Variants in PPP1CB observed in about 807,000 individuals in gnomAD.
PPP1CB encodes the protein serine/threonine-protein phosphatase PP1-beta catalytic subunit.
In PPP1CB, 2 loss-of-function variants were observed where a neutral mutation model predicts 43.7. The ratio of observed to expected loss-of-function variants is 0.05; its 90% CI spans 0.02 to 0.14. The LOEUF (loss-of-function observed/expected upper bound fraction) is 0.14. Ranked by LOEUF, PPP1CB falls within the 10% of genes least tolerant of loss-of-function variation. PPP1CB has a pLI of 1.00. For missense variants in PPP1CB, 84 were observed against 398.0 expected (o/e 0.21, Z 6.71); for synonymous variants, 136 against 135.6 (o/e 1.00, Z -0.02).
intron 6 of PPP1CB, among the ~76,000 whole-genome samples, 181 bp from the exon 7 acceptor site, chr2:28,793,682 G>A (rs1285035930): frequency 6.6e-6 from 1 of 152,080 alleles, no homozygotes; most frequent in African/African-American, 2.4e-5. Flanking sequence ...TTATAGAAAA[G>A]GCACACCAGT....
Position 28,800,226 on chromosome 2 carries a change from C to CTTTCT in PPP1CB, c.*926_*927insCTTTT, listed in dbSNP as rs1553312779. 7.6e-5 allele frequency: 5 copies of CTTTCT among 65,626 alleles called. No individual in the cohort carries two copies. Among genetic ancestry groups the CTTTCT allele is most frequent in the African/African-American group, 3.2e-4 (5 of 15,758 alleles). 4.1% of individuals were successfully genotyped at this position (65,626 alleles called of 1,614,324 possible). On this transcript the variant is annotated 3_prime_UTR_variant, in exon 8 of 8. Transcript: ENST00000395366. ...TTGGTTTTCTTTTTCTTTTTTCTTT[C>CTTTCT]TTTTTTTTTTTTTTTTTTTTTTTGA...
intron 1 of PPP1CB, 85 bp downstream of exon 1, chr2:28,752,261 G>GGGACGT (rs1666320262): frequency 2.3e-6 from 3 of 1,277,282 alleles, no homozygotes; most frequent in Non-Finnish European, 2.1e-6. Flanking sequence ...GGAACGCGAG[G>GGGACGT]GGACCCCTTT....
At chr2:28,797,268 A>G (rs1159233231) in intron 7 of PPP1CB, among the ~76,000 whole-genome samples, 4 of 152,208 alleles carry the variant, frequency 2.6e-5, no homozygotes, top group East Asian at 1.9e-4. Context: ...TGGTATTACA[A>G]TGATGCTCAC....
At chr2:28,787,630 C>T (rs1233289946) in intron 5 of PPP1CB, among the ~76,000 whole-genome samples, 1 of 152,210 alleles carries the variant, frequency 6.6e-6, no homozygotes, top group Non-Finnish European at 1.5e-5. Flanking sequence ...TTGTAAGTGG[C>T]ACATTTTTGG....
intron 6 of PPP1CB, among the ~76,000 whole-genome samples, chr2:28,790,434 G>C (rs1174753934): frequency 6.6e-6 from 1 of 152,138 alleles, no homozygotes; most frequent in Non-Finnish European, 1.5e-5. Context: ...CCGCCTCCCA[G>C]GTTCAAGTGA....
chr2:28,789,259 C>G (rs1352623691), intron 6 of PPP1CB, among the ~76,000 whole-genome samples: 1 of 151,968 alleles, frequency 6.6e-6, no homozygotes, highest in Non-Finnish European at 1.5e-5. Context: ...ATAATCCCAG[C>G]ACTTTGGCAA....
rs148033052 is a variant in PPP1CB, at chr2:28,788,701, G to A, written c.636G>A (p.Val212=). 5.0e-5 allele frequency: 81 copies of A among 1,613,844 alleles called. No homozygotes were observed. Among genetic ancestry groups the A allele is most frequent in the Non-Finnish European group, 6.7e-5 (79 of 1,179,918 alleles). ...TATGGTCTGATCCAGATAAGGATGT[G>A]CAAGGCTGGGGAGAAAATGATCGTG... ...DLLWSDPDKD[V]QGWGENDRGV... is the part of the protein sequence containing the mutation. The change falls in exon 6 of 8, where the codon GTG becomes GTA. Residue 212 remains valine, a synonymous_variant. Transcript: ENST00000395366.
intron 1 of PPP1CB, among the ~76,000 whole-genome samples, chr2:28,770,160 G>T (rs141437347): frequency 0.017 from 2,661 of 152,200 alleles, 38 homozygotes; most frequent in Non-Finnish European, 0.027. Context: ...CTACTCAGGA[G>T]GCTGAGGCAG....
intron 7 of PPP1CB, 77 bp from the exon 8 acceptor site, chr2:28,799,122 G>A: frequency 9.6e-7 from 1 of 1,038,146 alleles, no homozygotes; most frequent in Non-Finnish European, 1.4e-6. Flanking sequence ...GCCATTTATT[G>A]AAAATCACAA....
intron 1 of PPP1CB, among the ~76,000 whole-genome samples, chr2:28,755,221 A>C (rs1558294692): frequency 6.6e-6 from 1 of 151,752 alleles, no homozygotes; most frequent in Non-Finnish European, 1.5e-5. Flanking sequence ...CTAATTTTGT[A>C]TTTTTAGTAG....
chr2:28,788,526 C>A, intron 5 of PPP1CB, 132 bp from the exon 6 acceptor site: 1 of 957,200 alleles, frequency 1.0e-6, no homozygotes, highest in Non-Finnish European at 1.6e-6. Context: ...GGCTGGAATA[C>A]TTAGGCAAGT....
intron 1 of PPP1CB, among the ~76,000 whole-genome samples, chr2:28,774,757 A>G (rs1326651337): frequency 6.6e-6 from 1 of 152,006 alleles, no homozygotes; most frequent in East Asian, 1.9e-4. Context: ...AAAATCTTCC[A>G]CATTTAAAAC....
intron 1 of PPP1CB, among the ~76,000 whole-genome samples, chr2:28,772,055 G>A (rs528790761): frequency 4.6e-5 from 7 of 152,150 alleles, no homozygotes; most frequent in Middle Eastern, 3.4e-3. Flanking sequence ...AGTGGCTCAC[G>A]CCTGTAATCC....
Position 28,799,555 on chromosome 2 carries a change from T to C in PPP1CB, c.*252T>C. On this transcript the variant is annotated 3_prime_UTR_variant, in exon 8 of 8. Transcript: ENST00000395366. ...AAAATTATCCATTAAAGTTACATCT[T>C]CATGTATCACAATTTTTAAAGTTGA... The C allele has an allele frequency of 3.0e-6, 1 of 337,446 alleles. No individual in the cohort carries two copies. Among genetic ancestry groups the C allele is most frequent in the Non-Finnish European group, 5.3e-6 (1 of 187,020 alleles). The allele number at this position is 337,446 out of a possible 1,614,324, so 20.9% of individuals were successfully genotyped here.
Position 28,754,855 on chromosome 2 carries a change from A to G in PPP1CB, c.52+2679A>G, listed in dbSNP as rs115057657. Reference sequence around the variant, plus strand: ...AAAAATTTGGCAAGAATTTCTCTGCATTAGGGGAAAACATTCAGCAGGACC... The same window carrying G: ...AAAAATTTGGCAAGAATTTCTCTGCGTTAGGGGAAAACATTCAGCAGGACC... On this transcript the variant is annotated intron_variant, in intron 1 of 7. Transcript: ENST00000395366. Among the ~76,000 whole-genome samples, 1,274 of 152,310 alleles carry G rather than the reference A, an allele frequency of 8.4e-3. 17 individuals are homozygous for G. Among genetic ancestry groups the G allele is most frequent in the African/African-American group, 0.029 (1,192 of 41,554 alleles).
In PPP1CB at chr2:28,800,451, G is replaced by A. The variant is rs1572475384; in HGVS notation, c.*1148G>A. The A allele has an allele frequency of 3.3e-5, 5 of 152,154 alleles. No homozygotes were observed. In the East Asian group the frequency reaches 5.8e-4, roughly 18 times the overall value. The allele number at this position is 152,154 out of a possible 1,614,324, so 9.4% of individuals were successfully genotyped here. On this transcript the variant is annotated 3_prime_UTR_variant, in exon 8 of 8. Coordinates refer to ENST00000395366, the MANE Select transcript of PPP1CB (RefSeq NM_002709.3). ...ATGTGAATGTTGTATACGATTGTAA[G>A]GCTTATGTCACTAAAGATTTTTATT...
chr2:28,795,551 C>T (rs536360952), intron 7 of PPP1CB, among the ~76,000 whole-genome samples: 5 of 152,086 alleles, frequency 3.3e-5, no homozygotes, highest in African/African-American at 1.2e-4. Flanking sequence ...GTTTGATTTA[C>T]ATTAATAGTG....
chr2:28,759,120 A>T (rs1221935797), intron 1 of PPP1CB, among the ~76,000 whole-genome samples: 1 of 152,206 alleles, frequency 6.6e-6, no homozygotes, highest in South Asian at 2.1e-4. Context: ...GAACTGAGAA[A>T]TTCCTGTCAC....
intron 1 of PPP1CB, among the ~76,000 whole-genome samples, chr2:28,763,948 A>G (rs868046754): frequency 7.2e-5 from 11 of 151,834 alleles, no homozygotes; most frequent in Middle Eastern, 6.8e-3. Context: ...TGATCCGCCC[A>G]CCTTAGCCTC....
Sources: gnomAD v4.1 joint callset for allele counts (sites outside exome capture counted in the v4.1 genomes callset) on GRCh38, gnomAD v4.1.1 for gene constraint, MANE v1.5 for transcripts, NCBI Gene and HGNC (gene_info 2026-07-23, HGNC 2026-07-21) for gene names.